Variants in LDB3 observed in about 807,000 individuals in gnomAD.
The protein encoded by LDB3 is LIM domain-binding protein 3.
LDB3 carries 49 observed loss-of-function variants against 69.0 expected under a neutral mutation model. The observed-to-expected ratio is 0.71, with a 90% CI of 0.56 to 0.90. The LOEUF (loss-of-function observed/expected upper bound fraction) is 0.90, where lower values mean the gene tolerates loss of function less well. Among genes scored for constraint, LDB3 ranks in the 40% least tolerant of loss-of-function variants. The pLI is 0.00. For synonymous variants in LDB3, 387 were observed against 396.2 expected (o/e 0.98, Z 0.28); for missense variants, 928 against 974.1 (o/e 0.95, Z 0.63).
chr10:86,676,564 CAAAAAAA>C (rs71487272), intron 2 of LDB3, among the ~76,000 whole-genome samples: 2 of 109,764 alleles, frequency 1.8e-5, no homozygotes, highest in Non-Finnish European at 1.8e-5. Flanking sequence ...GACCCTGTCT[CAAAAAAA>C]AAAAAAAAGA....
At chr10:86,707,535 T>C (rs921199457) in intron 8 of LDB3, among the ~76,000 whole-genome samples, 10 of 152,008 alleles carry the variant, frequency 6.6e-5, no homozygotes, top group Non-Finnish European at 1.3e-4. Flanking sequence ...GCAGTGGCCA[T>C]GTGGCGCATC....
chr10:86,692,220 C>T (rs539387467), intron 6 of LDB3, among the ~76,000 whole-genome samples, 155 bp downstream of exon 6: 2 of 150,454 alleles, frequency 1.3e-5, no homozygotes, highest in Non-Finnish European at 3.0e-5. Context: ...AGGGCTCCTT[C>T]TGGGCCTCTC....
chr10:86,705,000 G>T (rs1846393189), intron 7 of LDB3, among the ~76,000 whole-genome samples: 3 of 149,364 alleles, frequency 2.0e-5, no homozygotes, highest in Admixed American at 1.3e-4. Context: ...ATAAGCATAA[G>T]CCACCACGCC....
chr10:86,688,601 AG>A (rs950771340), intron 5 of LDB3, among the ~76,000 whole-genome samples: 1 of 152,214 alleles, frequency 6.6e-6, no homozygotes, highest in Non-Finnish European at 1.5e-5. Context: ...CATCATTCAA[AG>A]CAGAAAATAT....
chr10:86,698,745 G>A (rs138433294), intron 7 of LDB3, among the ~76,000 whole-genome samples: 2,162 of 152,330 alleles, frequency 0.014, 21 homozygotes, highest in Admixed American at 0.024. Flanking sequence ...TGGGGACAGT[G>A]AGGCTTTTCG....
At chr10:86,714,837 G>A (rs769019090) in intron 9 of LDB3, among the ~76,000 whole-genome samples, 1 of 152,186 alleles carries the variant, frequency 6.6e-6, no homozygotes, top group South Asian at 2.1e-4. Context: ...GATTACAGGC[G>A]TGAGCCACCA....
intron 5 of LDB3, among the ~76,000 whole-genome samples, chr10:86,682,589 T>A (rs1368355828): frequency 6.6e-6 from 1 of 152,146 alleles, no homozygotes; most frequent in Non-Finnish European, 1.5e-5. Flanking sequence ...TCACCCTAAC[T>A]TCTACTCCCG....
At chr10:86,705,292 C>T (rs1204708451) in intron 7 of LDB3, among the ~76,000 whole-genome samples, 1 of 152,150 alleles carries the variant, frequency 6.6e-6, no homozygotes, top group Non-Finnish European at 1.5e-5. Flanking sequence ...GTCCATGATA[C>T]CAACATCAGA....
chr10:86,687,629 G>C (rs571575044), intron 5 of LDB3, among the ~76,000 whole-genome samples: 36 of 152,380 alleles, frequency 2.4e-4, no homozygotes, highest in African/African-American at 8.4e-4. Context: ...TCACAGCGAA[G>C]CTGTCCTTTA....
At chr10:86,671,837 GC>G (rs1357815036) in intron 2 of LDB3, among the ~76,000 whole-genome samples, 2 of 152,236 alleles carry the variant, frequency 1.3e-5, no homozygotes, top group Non-Finnish European at 2.9e-5. Context: ...AGCAGGCTGG[GC>G]GCGGTGCCTC....
intron 6 of LDB3, 42 bp from the exon 7 acceptor site, chr10:86,692,493 T>C: frequency 6.2e-7 from 1 of 1,605,890 alleles, no homozygotes; most frequent in South Asian, 1.1e-5. Flanking sequence ...TTCCTTGCTG[T>C]GTCTCCCGTG....
chr10:86,706,954 G>C (rs995660877), intron 8 of LDB3, among the ~76,000 whole-genome samples: 15 of 152,198 alleles, frequency 9.9e-5, no homozygotes, highest in Non-Finnish European at 2.2e-4. Flanking sequence ...ACATACACCG[G>C]TGAGAGAGGT....
intron 9 of LDB3, among the ~76,000 whole-genome samples, chr10:86,712,088 G>C (rs1361415763): frequency 6.6e-6 from 1 of 152,128 alleles, no homozygotes; most frequent in Non-Finnish European, 1.5e-5. Context: ...CAGAAGCTGA[G>C]GGCTGCGAAG....
intron 7 of LDB3, among the ~76,000 whole-genome samples, chr10:86,701,464 A>C (rs911045177): frequency 1.3e-5 from 2 of 152,168 alleles, no homozygotes; most frequent in African/African-American, 2.4e-5. Flanking sequence ...GGGGGGCCCC[A>C]GGCTGGGTTC....
chr10:86,681,852 T>A (rs762955577), intron 5 of LDB3, 49 bp downstream of exon 5: 1 of 1,519,388 alleles, frequency 6.6e-7, no homozygotes. Context: ...GCCACCTGGG[T>A]CCTCGGTGCT....
chr10:86,680,081 G>C lies in LDB3; in HGVS notation c.246-1G>C. 1.2e-6 allele frequency: 2 copies of C among 1,614,046 alleles called. No homozygotes were observed. The highest frequency in any genetic ancestry group is 1.7e-6 in the Non-Finnish European group (2 of 1,179,904). ...CCTGGTCTCATTTCTGGTTTCTACA[G>C]ATCAAAGCGTCCCATTCCCATCTCC... On this transcript the variant is annotated splice_acceptor_variant, in intron 3 of 13. Transcript: ENST00000361373. LOFTEE classifies it high-confidence loss of function.
At chr10:86,709,070 C>T (rs190834730) in intron 8 of LDB3, among the ~76,000 whole-genome samples, 156 of 152,304 alleles carry the variant, frequency 1.0e-3, no homozygotes, top group African/African-American at 3.5e-3. Flanking sequence ...GGGATGTGTT[C>T]TGCAAGGTGT....
At chr10:86,718,594 G>C in intron 11 of LDB3, 133 bp from the exon 12 acceptor site, 1 of 1,247,674 alleles carries the variant, frequency 8.0e-7, no homozygotes, top group Non-Finnish European at 1.2e-6. Context: ...TCTTCAGAGT[G>C]ACCAAGGCCT....
chr10:86,692,621 TC>T, intron 7 of LDB3, 50 bp downstream of exon 7: 1 of 1,552,774 alleles, frequency 6.4e-7, no homozygotes, highest in Non-Finnish European at 8.9e-7. Flanking sequence ...GCCCCGTCCC[TC>T]CCCGGGCAGC....
Sources: allele counts gnomAD v4.1 joint callset (sites outside exome capture counted in the v4.1 genomes callset), GRCh38; gene constraint gnomAD v4.1.1; transcripts MANE v1.5; gene names NCBI Gene and HGNC (gene_info 2026-07-23, HGNC 2026-07-21).